RAVER2: variants seen among roughly 807,000 people sequenced by gnomAD.
The protein encoded by RAVER2 is ribonucleoprotein, PTB binding 2.
A neutral mutation model predicts 78.1 loss-of-function variants in RAVER2; 46 were observed. The observed-to-expected ratio is 0.59, with a 90% CI of 0.46 to 0.75. The LOEUF is 0.75. RAVER2 is among the 30% of genes least tolerant of loss of function. The pLI, the probability that RAVER2 is intolerant of heterozygous loss-of-function variation, is 0.00. For missense variants in RAVER2, 793 were observed against 837.5 expected, an observed-to-expected ratio of 0.95 and a Z score of 0.66; for synonymous variants, 311 against 313.3, an observed-to-expected ratio of 0.99 and a Z score of 0.08.
At chr1:64,763,453 T>A (rs1652080535) in intron 1 of RAVER2, among the ~76,000 whole-genome samples, 1 of 152,064 alleles carries the variant, frequency 6.6e-6, no homozygotes, top group Non-Finnish European at 1.5e-5. Context: ...ATTAAGGCCA[T>A]AGTTGGATAC....
chr1:64,748,027 G>A (rs1651591271), intron 1 of RAVER2, among the ~76,000 whole-genome samples: 1 of 151,998 alleles, frequency 6.6e-6, no homozygotes, highest in South Asian at 2.1e-4. Flanking sequence ...TGGTATAGCA[G>A]ATTTATAATA....
chr1:64,827,545 A>G (rs950526943), intron 11 of RAVER2, among the ~76,000 whole-genome samples: 5 of 152,228 alleles, frequency 3.3e-5, no homozygotes, highest in Admixed American at 1.3e-4. Context: ...TAAAATGACT[A>G]TTGTGTTTGA....
At chr1:64,824,744 A>G (rs973998492) in intron 11 of RAVER2, among the ~76,000 whole-genome samples, 2 of 151,980 alleles carry the variant, frequency 1.3e-5, no homozygotes, top group Non-Finnish European at 2.9e-5. Context: ...AGCTTGGCCA[A>G]CAGGGCGAAA....
At chr1:64,770,279 A>G (rs1652280175) in intron 2 of RAVER2, among the ~76,000 whole-genome samples, 1 of 152,038 alleles carries the variant, frequency 6.6e-6, no homozygotes, top group Non-Finnish European at 1.5e-5. Context: ...AGAGCCAGGA[A>G]TAGTGCTATT....
chr1:64,771,204 A>C (rs1204714083), intron 2 of RAVER2, among the ~76,000 whole-genome samples: 1 of 151,882 alleles, frequency 6.6e-6, no homozygotes, highest in Non-Finnish European at 1.5e-5. Context: ...GACAAAGATT[A>C]AGATGACCAT....
intron 1 of RAVER2, among the ~76,000 whole-genome samples, chr1:64,762,467 A>G (rs990593725): frequency 8.9e-5 from 13 of 146,446 alleles, no homozygotes; most frequent in Non-Finnish European, 3.0e-5. Flanking sequence ...GATACTTTTG[A>G]AAAAAAAAAA....
rs72918102 is a variant in RAVER2, at chr1:64,804,689, G to A, written c.1192-45G>A. The A allele has an allele frequency of 5.5e-3, 5,388 of 975,884 alleles. 227 individuals are homozygous for A. In the African/African-American group the frequency reaches 0.079, roughly 14 times the overall value. 60.5% of individuals were successfully genotyped at this position (975,884 alleles called of 1,614,324 possible). On this transcript the variant is annotated intron_variant, in intron 6 of 11. Transcript: ENST00000294428. Reference sequence around the variant, plus strand: ...CAAAATGAATTGGGTTATACAACATGTAGCTTTTCAAAATTAAACTGACAA... The same window carrying A: ...CAAAATGAATTGGGTTATACAACATATAGCTTTTCAAAATTAAACTGACAA...
At chr1:64,748,966 G>T (rs1445496502) in intron 1 of RAVER2, among the ~76,000 whole-genome samples, 1 of 151,952 alleles carries the variant, frequency 6.6e-6, no homozygotes, top group Non-Finnish European at 1.5e-5. Context: ...TAAAGTAGCT[G>T]GGACTACAGG....
chr1:64,781,294 G>A, intron 3 of RAVER2, 86 bp from the exon 4 acceptor site: 1 of 1,286,360 alleles, frequency 7.8e-7, no homozygotes, highest in Non-Finnish European at 1.0e-6. Flanking sequence ...CAATGCACTT[G>A]TTCTTGAATT....
At chr1:64,746,072 G>A (rs1651528688) in intron 1 of RAVER2, among the ~76,000 whole-genome samples, 1 of 152,242 alleles carries the variant, frequency 6.6e-6, no homozygotes. Context: ...ACTTGGATGA[G>A]GTTTAAAGAT....
chr1:64,763,072 G>T (rs573840053), intron 1 of RAVER2, among the ~76,000 whole-genome samples: 19 of 152,192 alleles, frequency 1.2e-4, no homozygotes, highest in Non-Finnish European at 2.6e-4. Context: ...CACTTTGGGA[G>T]GCCAAGGCGG....
At chr1:64,807,919 C>T (rs902652887) in intron 9 of RAVER2, among the ~76,000 whole-genome samples, 1 of 152,054 alleles carries the variant, frequency 6.6e-6, no homozygotes, top group Non-Finnish European at 1.5e-5. Context: ...TTTGAAAAAG[C>T]TTAGGAGTAT....
At chr1:64,749,599 T>C (rs1651640956) in intron 1 of RAVER2, among the ~76,000 whole-genome samples, 1 of 152,358 alleles carries the variant, frequency 6.6e-6, no homozygotes, top group African/African-American at 2.4e-5. Flanking sequence ...TTTATAGTTA[T>C]ATCTTTGTTT....
chr1:64,747,119 A>G (rs1200930200), intron 1 of RAVER2, among the ~76,000 whole-genome samples: 1 of 152,216 alleles, frequency 6.6e-6, no homozygotes, highest in African/African-American at 2.4e-5. Context: ...GGTCTAATAA[A>G]AGGAGCAGTT....
chr1:64,830,920 C>A, exon 12 of RAVER2: 1 of 1,613,744 alleles, frequency 6.2e-7, no homozygotes, highest in Non-Finnish European at 8.5e-7. Flanking sequence ...ATGTGTTGAC[C>A]AGCATTCTCA....
rs908855895 is a variant in RAVER2 at position 64,814,640 on chromosome 1, C to A, written c.1793-64C>A. The stretch of plus-strand genomic sequence containing the variant: ...AATAAAATAATTTATTTAAAATAAC[C>A]TAAATAAAATAAATTTATAATAAAA... On this transcript the variant is annotated intron_variant, in intron 10 of 11. Coordinates refer to ENST00000294428, the Ensembl canonical transcript of RAVER2. 1.8e-4 allele frequency: 157 copies of A among 880,426 alleles called. 1 individual carries two copies. The highest frequency in any genetic ancestry group is 2.3e-4 in the Non-Finnish European group (153 of 670,998). 54.5% of individuals were successfully genotyped at this position (880,426 alleles called of 1,614,324 possible).
At chr1:64,749,490 C>T (rs1651636729) in intron 1 of RAVER2, among the ~76,000 whole-genome samples, 2 of 152,306 alleles carry the variant, frequency 1.3e-5, no homozygotes, top group Admixed American at 1.3e-4. Flanking sequence ...GGATTACAGG[C>T]GTGAGCCACC....
chr1:64,790,078 C>T (rs150676528), intron 5 of RAVER2, among the ~76,000 whole-genome samples: 103 of 152,262 alleles, frequency 6.8e-4, no homozygotes, highest in African/African-American at 2.3e-3. Flanking sequence ...ACCTTCTGTG[C>T]ATTCTGAAAT....
At position 64,745,377 on chromosome 1, in the gene RAVER2, A is replaced by C; in HGVS notation, c.205A>C (p.Arg69=). The C allele has an allele frequency of 6.5e-7, 1 of 1,542,274 alleles. No homozygotes were observed. ...GATGCAGCGGGAGCTGAGCAACCGCAGGAAAATCCTGGTGAAAAACCTGCC... is the reference window on the plus strand; with the variant it reads ...GATGCAGCGGGAGCTGAGCAACCGCCGGAAAATCCTGGTGAAAAACCTGCC... The change falls in exon 1 of 12, where the codon AGG becomes CGG. Residue 69 remains arginine, a synonymous_variant. Coordinates refer to ENST00000294428, the Ensembl canonical transcript of RAVER2. The surrounding 1 kb of genome is among the most constrained non-coding windows in gnomAD (Gnocchi z 4.3).
Sources: gnomAD v4.1 joint callset for allele counts (sites outside exome capture counted in the v4.1 genomes callset) on GRCh38, gnomAD v4.1.1 for gene constraint, Gnocchi (gnomAD v3.1) non-coding constraint, MANE v1.5 for transcripts, NCBI Gene and HGNC (gene_info 2026-07-23, HGNC 2026-07-21) for gene names.